The following ABI3BP variants were observed in gnomAD, a reference collection of about 807,000 sequenced individuals.
ABI3BP encodes the protein target of Nesh-SH3.
ABI3BP carries 216 observed loss-of-function variants against 268.6 expected under a neutral mutation model. The observed-to-expected ratio is 0.80, with a 90% CI of 0.72 to 0.90. The LOEUF is 0.90. Among genes scored for constraint, ABI3BP ranks in the 40% least tolerant of loss-of-function variants. ABI3BP has a pLI of 0.00. For missense variants in ABI3BP, 2,090 were observed against 2,182.4 expected, an observed-to-expected ratio of 0.96 and a Z score of 0.84; for synonymous variants, 730 against 730.0, an observed-to-expected ratio of 1.00 and a Z score of 0.00.
chr3:100,934,755 T>C (rs1352168323), intron 1 of ABI3BP, among the ~76,000 whole-genome samples: 1 of 151,668 alleles, frequency 6.6e-6, no homozygotes, highest in African/African-American at 2.4e-5. Flanking sequence ...TTTTTTTTCA[T>C]ATGTTTGTTG....
At chr3:100,983,589 T>C (rs926415792) in intron 1 of ABI3BP, among the ~76,000 whole-genome samples, 1 of 152,220 alleles carries the variant, frequency 6.6e-6, no homozygotes, top group Non-Finnish European at 1.5e-5. Context: ...GGTTGTTAAA[T>C]GAGGATAAAG....
At chr3:100,796,715 G>GAAGA (rs1470650770) in intron 51 of ABI3BP, among the ~76,000 whole-genome samples, 1 of 152,094 alleles carries the variant, frequency 6.6e-6, no homozygotes, top group Admixed American at 6.6e-5. Flanking sequence ...CTTCCTTGAG[G>GAAGA]AAGAGGAGGA....
chr3:100,932,596 AG>A (rs1367983397), intron 1 of ABI3BP, among the ~76,000 whole-genome samples: 1 of 152,174 alleles, frequency 6.6e-6, no homozygotes, highest in Non-Finnish European at 1.5e-5. Flanking sequence ...CACATGAAAA[AG>A]TTCCCAACAT....
rs199848150 is a variant in ABI3BP at position 100,855,935 on chromosome 3, G to GCCTGCAAGA, written c.1286-4004_1286-3996dup. ...TGGCCTGGAAATTTGTGAAAATATT[G>GCCTGCAAGA]CCTGCAAGAAAATATTCATTAAAAT... On this transcript the variant is annotated intron_variant, in intron 14 of 67. Transcript: ENST00000471714. 6.4e-3 allele frequency among the ~76,000 whole-genome samples: 974 copies of GCCTGCAAGA among 152,280 alleles called. 9 individuals are homozygous for GCCTGCAAGA. Among genetic ancestry groups the GCCTGCAAGA allele is most frequent in the African/African-American group, 0.022 (928 of 41,568 alleles).
chr3:100,894,013 T>C (rs1582290678), intron 4 of ABI3BP, among the ~76,000 whole-genome samples: 1 of 152,064 alleles, frequency 6.6e-6, no homozygotes, highest in South Asian at 2.1e-4. Flanking sequence ...GTAGAATAGA[T>C]TGGGGGAAGA....
At chr3:100,942,253 T>C (rs2069672881) in intron 1 of ABI3BP, among the ~76,000 whole-genome samples, 1 of 151,974 alleles carries the variant, frequency 6.6e-6, no homozygotes, top group Non-Finnish European at 1.5e-5. Flanking sequence ...ATTAGTAAAA[T>C]AACGCTACAA....
At chr3:100,797,613 A>G (rs1223884976) in intron 51 of ABI3BP, among the ~76,000 whole-genome samples, 2 of 147,242 alleles carry the variant, frequency 1.4e-5, no homozygotes, top group Non-Finnish European at 3.0e-5. Context: ...CTTTACCATT[A>G]GTGGAGAAAT....
intron 1 of ABI3BP, among the ~76,000 whole-genome samples, chr3:100,985,536 G>A (rs531586006): frequency 1.4e-4 from 21 of 151,760 alleles, no homozygotes; most frequent in East Asian, 5.9e-4. Flanking sequence ...TGTTTTTGTC[G>A]TTTCCTTTAA....
intron 18 of ABI3BP, among the ~76,000 whole-genome samples, chr3:100,848,232 A>C (rs1226683272): frequency 1.3e-5 from 2 of 152,192 alleles, no homozygotes; most frequent in Non-Finnish European, 2.9e-5. Context: ...TACCAAAAAA[A>C]ATAGAAACAT....
chr3:100,828,564 A>G (rs2098430529), intron 33 of ABI3BP, 112 bp from the exon 34 acceptor site: 1 of 923,358 alleles, frequency 1.1e-6, no homozygotes, highest in South Asian at 1.6e-5. Flanking sequence ...CAGAGCACGA[A>G]GCAAACACAA....
chr3:100,972,520 T>C (rs971147950), intron 1 of ABI3BP, among the ~76,000 whole-genome samples: 8 of 152,236 alleles, frequency 5.3e-5, no homozygotes, highest in Admixed American at 5.2e-4. Flanking sequence ...AGATGTTATC[T>C]TCATAAGTTA....
intron 1 of ABI3BP, among the ~76,000 whole-genome samples, chr3:100,988,154 C>A (rs1359928099): frequency 6.6e-6 from 1 of 152,134 alleles, no homozygotes; most frequent in East Asian, 1.9e-4. Flanking sequence ...CTGCAGCCTC[C>A]CATAAGCATC....
In ABI3BP at chr3:100,838,480, T is replaced by C. The variant is rs1164430015; in HGVS notation, c.1946-16A>G. On this transcript the variant is annotated splice_polypyrimidine_tract_variant and intron_variant, in intron 24 of 67. Transcript: ENST00000471714. ...GGTTTTGAGGCTAAAGAAAAAGGTA[T>C]TAAAATTACCACAATGGGTCATGGC... 1 of 1,530,132 alleles carries C rather than the reference T, an allele frequency of 6.5e-7. No homozygotes were observed. The highest frequency in any genetic ancestry group is 1.4e-5 in the African/African-American group (1 of 72,972). 94.8% of individuals were successfully genotyped at this position (1,530,132 alleles called of 1,614,324 possible).
intron 1 of ABI3BP, among the ~76,000 whole-genome samples, chr3:100,943,941 C>T (rs1259171623): frequency 6.6e-6 from 1 of 151,710 alleles, no homozygotes; most frequent in Non-Finnish European, 1.5e-5. Context: ...TGCTATTTAC[C>T]AGGGAAACAA....
chr3:100,914,773 G>T (rs1561602993), intron 2 of ABI3BP, among the ~76,000 whole-genome samples: 1 of 152,134 alleles, frequency 6.6e-6, no homozygotes, highest in Non-Finnish European at 1.5e-5. Context: ...ACTCCCAATG[G>T]CTCTGCCATA....
intron 57 of ABI3BP, among the ~76,000 whole-genome samples, chr3:100,783,553 A>C (rs1404578968): frequency 6.6e-6 from 1 of 152,194 alleles, no homozygotes; most frequent in East Asian, 1.9e-4. Context: ...CTTTTTCTAT[A>C]CTTGCTTTCA....
At chr3:100,821,691 C>T (rs1248324996) in intron 38 of ABI3BP, among the ~76,000 whole-genome samples, 1 of 151,068 alleles carries the variant, frequency 6.6e-6, no homozygotes, top group East Asian at 1.9e-4. Context: ...CAACCTCCAC[C>T]TCCTGGGGTT....
intron 49 of ABI3BP, among the ~76,000 whole-genome samples, chr3:100,808,771 GGA>G (rs775736229): frequency 2.0e-5 from 3 of 151,970 alleles, no homozygotes; most frequent in Non-Finnish European, 2.9e-5. Context: ...TATTTTCTAT[GGA>G]GAGTTATTCC....
At chr3:100,787,896 G>T in intron 56 of ABI3BP, 94 bp from the exon 57 acceptor site, 1 of 878,596 alleles carries the variant, frequency 1.1e-6, no homozygotes, top group Non-Finnish European at 1.6e-6. Context: ...AGTCATTTAG[G>T]CAATAAAAAA....
Sources: gnomAD v4.1 joint callset for allele counts (sites outside exome capture counted in the v4.1 genomes callset) on GRCh38, gnomAD v4.1.1 for gene constraint, MANE v1.5 for transcripts, NCBI Gene and HGNC (gene_info 2026-07-23, HGNC 2026-07-21) for gene names.